The following TET1 variants were observed in gnomAD, a reference collection of about 807,000 sequenced individuals.
The protein encoded by TET1 is tet methylcytosine dioxygenase 1, also known as methylcytosine dioxygenase TET1.
In TET1, 13 loss-of-function variants were observed where a neutral mutation model predicts 148.7. The ratio of observed to expected loss-of-function variants is 0.09; its 90% CI spans 0.06 to 0.14. The LOEUF (loss-of-function observed/expected upper bound fraction) is 0.14, where lower values mean the gene tolerates loss of function less well. TET1 is among the 10% of genes least tolerant of loss of function. The pLI is 1.00. For missense variants in TET1, 2,182 were observed against 2,553.8 expected, an observed-to-expected ratio of 0.85 and a Z score of 3.14; for synonymous variants, 907 against 937.2, an observed-to-expected ratio of 0.97 and a Z score of 0.59.
chr10:68,634,986 G>A (rs1336403044), intron 3 of TET1, among the ~76,000 whole-genome samples: 2 of 151,454 alleles, frequency 1.3e-5, no homozygotes, highest in African/African-American at 4.9e-5. Context: ...GTAGAGACTG[G>A]GTTTCACCAT....
In TET1 at chr10:68,572,595, G is replaced by A. The variant is rs766246075; in HGVS notation, c.257G>A (p.Arg86Lys). The change falls in exon 2 of 12, where the codon AGG becomes AAG. Residue 86 changes from arginine (R) to lysine (K), a missense_variant. This residue lies in a region of TET1 where 665 missense variants were observed against 672.4 expected (regional missense o/e 0.99). Transcript: ENST00000373644. ...GGAGCAGCACGCATGAATTTGGATAGGACTGAGGTTCTTTTTCAGAACCCA... is the reference window on the plus strand; with the variant it reads ...GGAGCAGCACGCATGAATTTGGATAAGACTGAGGTTCTTTTTCAGAACCCA... ...RAGAARMNLD[R>K]TEVLFQNPES... The A allele has an allele frequency of 6.2e-7, 1 of 1,614,142 alleles. No individual in the cohort carries two copies. The highest frequency in any genetic ancestry group is 1.7e-5 in the Admixed American group (1 of 60,002).
At chr10:68,668,879 G>A (rs2055230439) in intron 7 of TET1, among the ~76,000 whole-genome samples, 1 of 152,134 alleles carries the variant, frequency 6.6e-6, no homozygotes, top group South Asian at 2.1e-4. Context: ...TAGGTAATTA[G>A]GAGGCTGAGG....
chr10:68,637,473 T>C (rs1166780804), intron 3 of TET1, among the ~76,000 whole-genome samples: 1 of 151,926 alleles, frequency 6.6e-6, no homozygotes, highest in Non-Finnish European at 1.5e-5. Flanking sequence ...CATTTTAGAT[T>C]TCTCCTTAGG....
intron 2 of TET1, among the ~76,000 whole-genome samples, chr10:68,577,009 C>T (rs1370011005): frequency 6.6e-6 from 1 of 151,860 alleles, no homozygotes; most frequent in African/African-American, 2.4e-5. Flanking sequence ...CCTGGGTTCA[C>T]GCCATTCTCC....
chr10:68,674,765 C>T lies in TET1; in HGVS notation c.4824+1720C>T, dbSNP rs938498306. On this transcript the variant is annotated intron_variant, in intron 8 of 11. Transcript: ENST00000373644. ...TACTAAAAAATGCAACAATCAGATA[C>T]GGAAGACCTCTTATGCTTAGCACCA... 5.8e-5 allele frequency: 29 copies of T among 497,368 alleles called. 1 individual carries two copies. Among genetic ancestry groups the T allele is most frequent in the African/African-American group, 3.7e-4 (19 of 51,124 alleles). The allele number at this position is 497,368 out of a possible 1,614,324, so 30.8% of individuals were successfully genotyped here. A position where few individuals can be genotyped will look rare whatever the true frequency, so the allele number is the denominator to read the frequency against.
intron 1 of TET1, among the ~76,000 whole-genome samples, chr10:68,566,892 A>G (rs1325517795): frequency 6.7e-6 from 1 of 148,900 alleles, no homozygotes; most frequent in Admixed American, 6.8e-5. Flanking sequence ...TGAAACACCT[A>G]TCATGCGCCA....
intron 1 of TET1, among the ~76,000 whole-genome samples, chr10:68,568,124 C>T (rs1223983153): frequency 6.6e-6 from 1 of 152,156 alleles, no homozygotes; most frequent in Non-Finnish European, 1.5e-5. Flanking sequence ...GTGATCCACC[C>T]ACCTTGGCCT....
At chr10:68,596,023 C>CATATAT (rs1273677017) in intron 2 of TET1, among the ~76,000 whole-genome samples, 12 of 95,430 alleles carry the variant, frequency 1.3e-4, no homozygotes, top group African/African-American at 5.1e-4. Context: ...CACACACACA[C>CATATAT]ACACATATAT....
chr10:68,579,828 A>G (rs987376701), intron 2 of TET1, among the ~76,000 whole-genome samples: 1 of 151,670 alleles, frequency 6.6e-6, no homozygotes, highest in Admixed American at 6.6e-5. Flanking sequence ...GACTGCATAC[A>G]TTTCCCCAGT....
At chr10:68,666,468 T>A (rs2055196998) in intron 6 of TET1, among the ~76,000 whole-genome samples, 1 of 152,204 alleles carries the variant, frequency 6.6e-6, no homozygotes, top group Non-Finnish European at 1.5e-5. Context: ...TGAGAGTTCT[T>A]GGTTATTTCC....
chr10:68,674,705 G>A lies in TET1; in HGVS notation c.4824+1660G>A, dbSNP rs547771181. ...AGGTCATGTCAATATCAAGACTACC[G>A]GTGCTTACTTGCTTCATGTGTTCTG... On this transcript the variant is annotated intron_variant, in intron 8 of 11. Coordinates refer to ENST00000373644, the MANE Select transcript of TET1 (RefSeq NM_030625.3). The A allele has an allele frequency of 1.9e-5, 9 of 473,026 alleles. 1 individual carries two copies. The highest frequency in any genetic ancestry group is 5.2e-5 in the Admixed American group (2 of 38,112). 29.3% of individuals were successfully genotyped at this position (473,026 alleles called of 1,614,324 possible).
intron 3 of TET1, among the ~76,000 whole-genome samples, chr10:68,606,336 C>T (rs904215303): frequency 1.3e-5 from 2 of 152,196 alleles, no homozygotes; most frequent in African/African-American, 4.8e-5. Flanking sequence ...CTCTGCACTC[C>T]AGCCTGGGCG....
At chr10:68,686,332 A>G (rs752139855) in intron 10 of TET1, 24 bp from the exon 11 acceptor site, 5 of 1,555,680 alleles carry the variant, frequency 3.2e-6, no homozygotes, top group Non-Finnish European at 4.4e-6. Flanking sequence ...TATCTTTCCC[A>G]TTTCATGTTT....
At chr10:68,610,918 G>A (rs1276965331) in intron 3 of TET1, among the ~76,000 whole-genome samples, 1 of 152,140 alleles carries the variant, frequency 6.6e-6, no homozygotes, top group South Asian at 2.1e-4. Flanking sequence ...AGCACTACAG[G>A]CATGAGCTAC....
In TET1 at chr10:68,672,875, C is replaced by G; in HGVS notation, c.4674-20C>G. On this transcript the variant is annotated intron_variant, in intron 7 of 11. Coordinates refer to ENST00000373644, the MANE Select transcript of TET1 (RefSeq NM_030625.3). ...TTGTAATGCTTCATCAATTCACTCT[C>G]TTGAATTACAATCTTACAGTCGTAC... 2 of 1,592,860 alleles carry G rather than the reference C, an allele frequency of 1.3e-6. No individual in the cohort carries two copies. Among genetic ancestry groups the G allele is most frequent in the Non-Finnish European group, 1.7e-6 (2 of 1,165,676 alleles).
intron 3 of TET1, chr10:68,632,516 T>G: frequency 1.2e-6 from 2 of 1,612,792 alleles, no homozygotes; most frequent in Non-Finnish European, 1.7e-6. Context: ...TTTGGACATT[T>G]TTTGTTCACT....
At chr10:68,651,586 T>C (rs2054936378) in intron 4 of TET1, among the ~76,000 whole-genome samples, 1 of 152,106 alleles carries the variant, frequency 6.6e-6, no homozygotes, top group Non-Finnish European at 1.5e-5. Flanking sequence ...GGAGTATAAA[T>C]ATGACCCACA....
chr10:68,592,143 C>T (rs926184797), intron 2 of TET1, among the ~76,000 whole-genome samples: 4 of 151,812 alleles, frequency 2.6e-5, no homozygotes, highest in African/African-American at 9.7e-5. Flanking sequence ...CATGGTGAAA[C>T]CTTGTCTCTA....
At position 68,646,638 on chromosome 10, in the gene TET1, C is replaced by G. The variant is rs763974841; in HGVS notation, c.3909C>G (p.Ser1303=). The change falls in exon 4 of 12, where the codon TCC becomes TCG. Residue 1303 remains serine (S), a synonymous_variant. Coordinates refer to ENST00000373644, the MANE Select transcript of TET1 (RefSeq NM_030625.3). Reference sequence around the variant, plus strand: ...AAGCCCATCCTTTGACCCAGCCCTCCTCTCCACCTAACCAGTGTGCTAACG... The same window carrying G: ...AAGCCCATCCTTTGACCCAGCCCTCGTCTCCACCTAACCAGTGTGCTAACG... ...NQKAHPLTQP[S]SPPNQCANVM... 3.1e-6 allele frequency: 5 copies of G among 1,614,178 alleles called. No individual in the cohort carries two copies. Among genetic ancestry groups the G allele is most frequent in the South Asian group, 1.1e-5 (1 of 91,074 alleles).
Sources: gnomAD v4.1 joint callset for allele counts (sites outside exome capture counted in the v4.1 genomes callset) on GRCh38, gnomAD v4.1.1 for gene constraint, gnomAD v4.1.1 regional missense constraint, MANE v1.5 for transcripts, NCBI Gene and HGNC (gene_info 2026-07-23, HGNC 2026-07-21) for gene names.